The following TNKS variants were observed in gnomAD, a reference collection of about 807,000 sequenced individuals.
The protein encoded by TNKS is poly [ADP-ribose] polymerase tankyrase-1.
Under a neutral mutation model 135.8 loss-of-function variants are expected in TNKS, and 72 were observed. That is an observed-to-expected ratio of 0.53 (90% CI 0.44 to 0.64). The LOEUF (loss-of-function observed/expected upper bound fraction) is 0.64, where lower values mean the gene tolerates loss of function less well. Ranked by LOEUF, TNKS falls within the 30% of genes least tolerant of loss-of-function variation. The pLI, the probability that TNKS is intolerant of heterozygous loss-of-function variation, is 0.00. For missense variants in TNKS, 1,769 were observed against 1,674.0 expected, an observed-to-expected ratio of 1.06 and a Z score of -0.99; for synonymous variants, 849 against 649.3, an observed-to-expected ratio of 1.31 and a Z score of -4.68.
chr8:9,768,815 G>A (rs942735953), intron 25 of TNKS, among the ~76,000 whole-genome samples: 4 of 152,176 alleles, frequency 2.6e-5, no homozygotes, highest in Non-Finnish European at 5.9e-5. Flanking sequence ...ACCTGCAGGA[G>A]AATATAGTAG....
intron 3 of TNKS, chr8:9,658,298 C>G (rs1370829993): frequency 1.4e-4 from 66 of 463,162 alleles, no homozygotes; most frequent in African/African-American, 1.2e-3. Context: ...GCGGCTGCTC[C>G]TTGCCCTCGG....
intron 20 of TNKS, among the ~76,000 whole-genome samples, chr8:9,760,238 T>G (rs1305218663): frequency 6.6e-6 from 1 of 152,222 alleles, no homozygotes; most frequent in Non-Finnish European, 1.5e-5. Flanking sequence ...TTTGTTTTGT[T>G]TTGTTTTTAA....
chr8:9,660,040 G>T (rs1392352595), intron 3 of TNKS, among the ~76,000 whole-genome samples: 2 of 152,142 alleles, frequency 1.3e-5, no homozygotes, highest in Non-Finnish European at 2.9e-5. Context: ...GAACCAGGAA[G>T]AAGTTGAATC....
In TNKS at chr8:9,766,273, G is replaced by A; in HGVS notation, c.3588G>A (p.Gly1196=). Residue 1196 remains glycine, a synonymous_variant, in exon 25 of 27, where the codon GGG becomes GGA. Transcript: ENST00000310430. ...SPFINAIIHK[G]FDERHAYIGG... ...TCATTAATGCCATTATTCATAAAGG[G>A]TTTGATGAGCGACATGCATACATAG... 1.9e-6 allele frequency: 3 copies of A among 1,613,242 alleles called. No homozygotes were observed. The highest frequency in any genetic ancestry group is 2.2e-5 in the East Asian group (1 of 44,880).
intron 1 of TNKS, among the ~76,000 whole-genome samples, chr8:9,568,188 A>C (rs10088969): frequency 0.25 from 37,738 of 152,156 alleles, 4,886 homozygotes; most frequent in East Asian, 0.4. Context: ...AGCAAGCTGC[A>C]TGCAACTTGT....
intron 3 of TNKS, among the ~76,000 whole-genome samples, chr8:9,656,360 C>G (rs924794441): frequency 6.6e-6 from 1 of 152,098 alleles, no homozygotes; most frequent in African/African-American, 2.4e-5. Context: ...GCAAGGCAGG[C>G]CAACATTCAA....
chr8:9,632,768 C>T (rs1299824533), intron 3 of TNKS, among the ~76,000 whole-genome samples: 5 of 152,290 alleles, frequency 3.3e-5, no homozygotes, highest in South Asian at 4.1e-4. Context: ...CTCACTCTGT[C>T]GCCCAGGCTG....
chr8:9,631,070 G>A (rs1438577886), intron 3 of TNKS, among the ~76,000 whole-genome samples: 1 of 151,998 alleles, frequency 6.6e-6, no homozygotes. Context: ...CTCTCACAAG[G>A]CTGCTTTTTT....
intron 13 of TNKS, among the ~76,000 whole-genome samples, chr8:9,728,163 G>C (rs570955281): frequency 6.6e-6 from 1 of 152,124 alleles, no homozygotes; most frequent in Admixed American, 6.5e-5. Context: ...TCCATTCACA[G>C]TGAAGGCCTA....
chr8:9,690,119 G>A (rs1030583184), intron 5 of TNKS, among the ~76,000 whole-genome samples: 1 of 152,118 alleles, frequency 6.6e-6, no homozygotes. Context: ...CTCATTCGAT[G>A]ATGAAAACCT....
chr8:9,603,342 ACC>A (rs1799093759), intron 2 of TNKS, among the ~76,000 whole-genome samples: 2 of 77,768 alleles, frequency 2.6e-5, no homozygotes, highest in Non-Finnish European at 5.2e-5. Context: ...GGCATGAGCC[ACC>A]ACGCCTGACC....
At chr8:9,637,673 A>T (rs1800563892) in intron 3 of TNKS, among the ~76,000 whole-genome samples, 1 of 152,196 alleles carries the variant, frequency 6.6e-6, no homozygotes, top group African/African-American at 2.4e-5. Context: ...TTTACAAAAT[A>T]AGTCTTCTTA....
intron 2 of TNKS, among the ~76,000 whole-genome samples, chr8:9,614,396 AAATGT>A (rs1799564534): frequency 6.6e-6 from 1 of 152,234 alleles, no homozygotes; most frequent in Non-Finnish European, 1.5e-5. Flanking sequence ...AAACTCCCCA[AAATGT>A]AATGTATGAG....
chr8:9,727,602 G>C (rs1019992399), intron 13 of TNKS, among the ~76,000 whole-genome samples: 12 of 152,148 alleles, frequency 7.9e-5, no homozygotes, highest in African/African-American at 2.4e-4. Context: ...TTATCGAAAA[G>C]TTAATAGCAA....
chr8:9,635,020 A>G (rs1285016161), intron 3 of TNKS, among the ~76,000 whole-genome samples: 2 of 151,222 alleles, frequency 1.3e-5, no homozygotes, highest in African/African-American at 4.9e-5. Flanking sequence ...AAAAAAAAAT[A>G]TTAGCCGGGC....
At chr8:9,635,556 G>A (rs550858105) in intron 3 of TNKS, among the ~76,000 whole-genome samples, 1 of 152,168 alleles carries the variant, frequency 6.6e-6, no homozygotes, top group Admixed American at 6.5e-5. Flanking sequence ...CAGCATGATT[G>A]CTCATAGATT....
intron 17 of TNKS, among the ~76,000 whole-genome samples, chr8:9,744,236 A>T (rs181458232): frequency 3.3e-5 from 5 of 152,318 alleles, no homozygotes; most frequent in African/African-American, 1.2e-4. Context: ...ATACATGTTT[A>T]TACAAGACAG....
At chr8:9,772,964 G>C (rs1481242838) in intron 26 of TNKS, among the ~76,000 whole-genome samples, 1 of 150,490 alleles carries the variant, frequency 6.6e-6, no homozygotes, top group Admixed American at 6.7e-5. Flanking sequence ...GTAGATCTGG[G>C]TGAGGTTATG....
At chr8:9,679,478 T>G (rs997699060) in intron 3 of TNKS, among the ~76,000 whole-genome samples, 1 of 150,718 alleles carries the variant, frequency 6.6e-6, no homozygotes, top group African/African-American at 2.5e-5. Flanking sequence ...TAATTAATGT[T>G]TTTTTTTTAA....
Sources: allele counts gnomAD v4.1 joint callset (sites outside exome capture counted in the v4.1 genomes callset), GRCh38; gene constraint gnomAD v4.1.1; transcripts MANE v1.5; gene names NCBI Gene and HGNC (gene_info 2026-07-23, HGNC 2026-07-21).